Variants in SLC2A14 observed in about 807,000 individuals in gnomAD.
SLC2A14 encodes the protein solute carrier family 2 member 14.
SLC2A14 carries 13 observed loss-of-function variants against 43.0 expected under a neutral mutation model. The observed-to-expected ratio is 0.30, with a 90% CI of 0.20 to 0.48. The LOEUF (loss-of-function observed/expected upper bound fraction) is 0.48, where lower values mean the gene tolerates loss of function less well. Among genes scored for constraint, SLC2A14 ranks in the 20% least tolerant of loss-of-function variants. SLC2A14 has a pLI of 0.99. For synonymous variants in SLC2A14, 190 were observed against 233.8 expected (o/e 0.81, Z 1.71); for missense variants, 428 against 620.4 (o/e 0.69, Z 3.29).
At position 7,871,171 on chromosome 12, in the gene SLC2A14, G is replaced by A. The variant is rs968698459; in HGVS notation, c.-57-1234C>T. 4.8e-6 allele frequency: 6 copies of A among 1,258,968 alleles called. No homozygotes were observed. The African/African-American group carries it at 6.2e-5, about 13-fold the overall frequency. The allele number at this position is 1,258,968 out of a possible 1,614,324, so 78.0% of individuals were successfully genotyped here. ...AGACCCCCAGGATGTGATCCAAAAC[G>A]CCTTCACCTGCTTCAACGAGGAATC... On this transcript the variant is annotated intron_variant, in intron 1 of 10. Coordinates refer to ENST00000431042, the MANE Select transcript of SLC2A14 (RefSeq NM_001286234.2).
At chr12:7,828,020 T>C (rs761411061) in intron 6 of SLC2A14, among the ~76,000 whole-genome samples, 1 of 151,890 alleles carries the variant, frequency 6.6e-6, no homozygotes, top group Non-Finnish European at 1.5e-5. Context: ...GTAGCCATTC[T>C]TTTATTCCTT....
intron 2 of SLC2A14, chr12:7,863,381 C>T (rs777834662): frequency 4.0e-5 from 18 of 453,230 alleles, no homozygotes; most frequent in South Asian, 1.1e-4. Flanking sequence ...CGAGGGTGTG[C>T]GGCTTCATTC....
upstream of SLC2A14, among the ~76,000 whole-genome samples, chr12:7,875,962 C>T (rs1445010103): frequency 1.3e-5 from 2 of 150,962 alleles, no homozygotes; most frequent in African/African-American, 2.4e-5. Context: ...GGCTACAGAA[C>T]AAGACTTCGT....
At chr12:7,871,894 GGAGT>G in intron 1 of SLC2A14, 2 of 984,756 alleles carry the variant, frequency 2.0e-6, no homozygotes, top group Non-Finnish European at 2.4e-6. Flanking sequence ...ACCCATCGTG[GGAGT>G]GTGCTCAAGA....
chr12:7,890,987 T>C (rs1303374333), intron 1 of SLC2A14: 6 of 1,533,816 alleles, frequency 3.9e-6, no homozygotes, highest in Non-Finnish European at 5.2e-6. Context: ...TCTATCTAGT[T>C]CCACTTACCT....
At chr12:7,821,707 T>C (rs1002283595) in intron 7 of SLC2A14, among the ~76,000 whole-genome samples, 1 of 152,162 alleles carries the variant, frequency 6.6e-6, no homozygotes, top group African/African-American at 2.4e-5. Context: ...ATCTTCTGAA[T>C]CTTATCTCCT....
At chr12:7,881,779 A>G (rs1040636919) in intron 1 of SLC2A14, among the ~76,000 whole-genome samples, 1 of 152,172 alleles carries the variant, frequency 6.6e-6, no homozygotes, top group Non-Finnish European at 1.5e-5. Flanking sequence ...TGTCTAGCTA[A>G]AGGATTGTAA....
At chr12:7,875,170 A>AAAATTAAATATATATAAAT (rs1565585674), upstream of SLC2A14, among the ~76,000 whole-genome samples, 2 of 135,670 alleles carry the variant, frequency 1.5e-5, no homozygotes, top group South Asian at 2.1e-4. Flanking sequence ...ATATATATTT[A>AAAATTAAATATATATAAAT]ATTATATATA....
At chr12:7,859,702 G>A (rs1202875269) in intron 2 of SLC2A14, among the ~76,000 whole-genome samples, 2 of 152,128 alleles carry the variant, frequency 1.3e-5, no homozygotes, top group Non-Finnish European at 2.9e-5. Flanking sequence ...TGACCCAGGA[G>A]TTCAGTAGAT....
chr12:7,872,884 G>C lies in SLC2A14; in HGVS notation c.-135C>G. On this transcript the variant is annotated 5_prime_UTR_variant, in exon 1 of 11. Transcript: ENST00000431042. ...CCTCCCGGGCCGCTGCGCCCCCGCC[G>C]GCCCCGCCTGCAGCCGTTGGGACCC... The C allele has an allele frequency of 1.0e-6, 1 of 985,630 alleles. No homozygotes were observed. Among genetic ancestry groups the C allele is most frequent in the East Asian group, 1.1e-4 (1 of 8,814 alleles). The allele number at this position is 985,630 out of a possible 1,614,324, so 61.1% of individuals were successfully genotyped here.
rs187959650 is a variant in SLC2A14, at chr12:7,824,852, G to A, written c.864+2643C>T. ...GATTTTTAGATGGTGCATCCACCAC[G>A]CCCGGCTAATTTTTATATTTTTAGT... On this transcript the variant is annotated intron_variant, in intron 7 of 10. Coordinates refer to ENST00000431042, the MANE Select transcript of SLC2A14 (RefSeq NM_001286234.2). Among the ~76,000 whole-genome samples, 9 of 151,716 alleles carry A rather than the reference G, an allele frequency of 5.9e-5. No individual in the cohort carries two copies. In the East Asian group the frequency reaches 1.4e-3, roughly 23 times the overall value.
At chr12:7,879,309 G>A (rs1945523282) in intron 1 of SLC2A14, among the ~76,000 whole-genome samples, 1 of 2,826 alleles carries the variant, frequency 3.5e-4, no homozygotes, top group Non-Finnish European at 9.1e-4. Context: ...CCTCAACTCT[G>A]CAAAAAAAAA....
exon 1 of SLC2A14, chr12:7,891,130 T>A: frequency 6.5e-7 from 1 of 1,532,554 alleles, no homozygotes; most frequent in South Asian, 1.2e-5. Context: ...CTTTGCATTG[T>A]GAACAAAAGT....
intron 3 of SLC2A14, 58 bp downstream of exon 3, chr12:7,832,664 C>G (rs1368491206): frequency 1.3e-6 from 2 of 1,585,536 alleles, no homozygotes; most frequent in South Asian, 2.2e-5. Context: ...TCTTGAAACC[C>G]TACTTAAAGG....
chr12:7,879,333 A>C (rs369696193), intron 1 of SLC2A14, among the ~76,000 whole-genome samples: 4,389 of 61,948 alleles, frequency 0.071, 186 homozygotes, highest in African/African-American at 0.17. Context: ...ACAACAACAA[A>C]AAAAAACAAA....
In SLC2A14 at chr12:7,833,451, G is replaced by A. The variant is rs748943968; in HGVS notation, c.19-637C>T. On this transcript the variant is annotated intron_variant, in intron 2 of 10. Coordinates refer to ENST00000431042, the MANE Select transcript of SLC2A14 (RefSeq NM_001286234.2). ...CCGGGTGGGGGAAGAAAGAACACTC[G>A]GCTCACTACAAACCTAACAAATAAG... 1.8e-4 allele frequency among the ~76,000 whole-genome samples: 27 copies of A among 152,152 alleles called. 2 individuals carry two copies. Among genetic ancestry groups the A allele is most frequent in the Admixed American group, 6.6e-4 (10 of 15,262 alleles).
At chr12:7,831,099 A>C (rs6488691) in intron 4 of SLC2A14, among the ~76,000 whole-genome samples, 4 of 149,006 alleles carry the variant, frequency 2.7e-5, no homozygotes, top group Non-Finnish European at 5.9e-5. Flanking sequence ...ACTCCAGCCT[A>C]GGTGACAAGA....
intron 2 of SLC2A14, among the ~76,000 whole-genome samples, chr12:7,838,759 T>G (rs937576263): frequency 6.6e-6 from 1 of 152,196 alleles, no homozygotes; most frequent in Non-Finnish European, 1.5e-5. Flanking sequence ...GGCAAAGTGT[T>G]ATGGACTAAA....
chr12:7,879,938 G>A (rs757559241), intron 1 of SLC2A14, among the ~76,000 whole-genome samples: 4 of 151,876 alleles, frequency 2.6e-5, no homozygotes, highest in African/African-American at 9.7e-5. Context: ...CCTGGAAGGC[G>A]GAGGTTGCAG....
Sources: allele counts gnomAD v4.1 joint callset (sites outside exome capture counted in the v4.1 genomes callset), GRCh38; gene constraint gnomAD v4.1.1; transcripts MANE v1.5; gene names NCBI Gene and HGNC (gene_info 2026-07-23, HGNC 2026-07-21).